OSBPL1A: variants seen among roughly 807,000 people sequenced by gnomAD.
The protein encoded by OSBPL1A is oxysterol binding protein like 1A, also known as oxysterol-binding protein-related protein 1.
A neutral mutation model predicts 137.1 loss-of-function variants in OSBPL1A; 80 were observed. The ratio of observed to expected loss-of-function variants is 0.58; its 90% confidence interval spans 0.49 to 0.70. OSBPL1A has a LOEUF of 0.70. Ranked by LOEUF, OSBPL1A falls within the 30% of genes least tolerant of loss-of-function variation. The probability of loss-of-function intolerance (pLI) is 0.00; values close to 1 mark genes in which losing one functional copy is unlikely to be tolerated. For synonymous variants in OSBPL1A, 365 were observed against 389.7 expected (o/e 0.94, Z 0.75); for missense variants, 970 against 1,129.4 (o/e 0.86, Z 2.02).
rs184343172 is a variant in OSBPL1A, at chr18:24,197,377, G to A, written c.1602-1177C>T. Among the ~76,000 whole-genome samples, 208 of 152,076 alleles carry A rather than the reference G, an allele frequency of 1.4e-3. 1 individual carries two copies. The highest frequency in any genetic ancestry group is 6.8e-3 in the Middle Eastern group (2 of 294). Reference sequence around the variant, plus strand: ...CTAAAAAATAATAAAATAATAAAAGGTTTTCCAGTTGCCTTCTGAAATACA... The same window carrying A: ...CTAAAAAATAATAAAATAATAAAAGATTTTCCAGTTGCCTTCTGAAATACA... On this transcript the variant is annotated intron_variant, in intron 17 of 27. Coordinates refer to ENST00000319481, the MANE Select transcript of OSBPL1A (RefSeq NM_080597.4).
In OSBPL1A at chr18:24,238,425, G is replaced by T. The variant is rs144916108; in HGVS notation, c.1444+795C>A. 8.7e-3 allele frequency among the ~76,000 whole-genome samples: 1,326 copies of T among 152,200 alleles called. 24 individuals are homozygous for T. Among genetic ancestry groups the T allele is most frequent in the African/African-American group, 0.029 (1,198 of 41,506 alleles). On this transcript the variant is annotated intron_variant, in intron 16 of 27. Coordinates refer to ENST00000319481, the MANE Select transcript of OSBPL1A (RefSeq NM_080597.4). ...AAAATTTGAAAGTAAATTCCAAAAA[G>T]GTCAAAACTACTTAGCAGTACCTCC...
intron 12 of OSBPL1A, 56 bp downstream of exon 12, chr18:24,314,193 C>T (rs971766986): frequency 7.6e-6 from 9 of 1,184,072 alleles, no homozygotes; most frequent in East Asian, 2.4e-5. Flanking sequence ...TTATATTCTC[C>T]GTGTCTTTAA....
intron 15 of OSBPL1A, among the ~76,000 whole-genome samples, chr18:24,268,750 T>C (rs2089644232): frequency 6.6e-6 from 1 of 152,168 alleles, no homozygotes; most frequent in Non-Finnish European, 1.5e-5. Flanking sequence ...GCATCAGTAT[T>C]CAATCTTTTG....
intron 1 of OSBPL1A, among the ~76,000 whole-genome samples, chr18:24,395,915 C>A (rs916658516): frequency 1.3e-5 from 2 of 150,106 alleles, no homozygotes; most frequent in African/African-American, 2.4e-5. Context: ...AGCCATGGCA[C>A]CCGGCCAGGA....
chr18:24,298,761 T>C (rs965943738), intron 14 of OSBPL1A, among the ~76,000 whole-genome samples: 1 of 152,202 alleles, frequency 6.6e-6, no homozygotes. Context: ...TTCCACAGTG[T>C]AGTTTAAGGC....
chr18:24,197,786 C>CTTTTTTT (rs1043369707), intron 17 of OSBPL1A, among the ~76,000 whole-genome samples: 1 of 122,782 alleles, frequency 8.1e-6, no homozygotes, highest in Non-Finnish European at 1.7e-5. Context: ...CTTTTCTTTT[C>CTTTTTTT]TTTTTTTTTT....
At chr18:24,241,642 A>G (rs1014839308) in intron 15 of OSBPL1A, among the ~76,000 whole-genome samples, 3 of 152,196 alleles carry the variant, frequency 2.0e-5, no homozygotes, top group African/African-American at 7.2e-5. Context: ...GCTAGAGAGG[A>G]TGTGGAGAAA....
rs2088966232 is a variant in OSBPL1A at position 24,248,345 on chromosome 18, A to G, written c.1282-8963T>C. Among the ~76,000 whole-genome samples, 7 of 152,314 alleles carry G rather than the reference A, an allele frequency of 4.6e-5. No homozygotes were observed. The South Asian group carries it at 1.5e-3, about 32-fold the overall frequency. On this transcript the variant is annotated intron_variant, in intron 15 of 27. Coordinates refer to ENST00000319481, the MANE Select transcript of OSBPL1A (RefSeq NM_080597.4). ...TGAAACGAGTCTCAAGGCCCTACAA[A>G]GCCTCATGAGCACTAACTTGATCAG...
chr18:24,200,561 CAAAAAAA>C (rs893025554), intron 17 of OSBPL1A, among the ~76,000 whole-genome samples: 3 of 70,456 alleles, frequency 4.3e-5, no homozygotes, highest in South Asian at 9.9e-4. Context: ...GACTCCGTGT[CAAAAAAA>C]AAAAAAAAAA....
intron 24 of OSBPL1A, among the ~76,000 whole-genome samples, chr18:24,168,556 A>C (rs1018686562): frequency 6.6e-6 from 1 of 152,200 alleles, no homozygotes; most frequent in South Asian, 2.1e-4. Context: ...AGGAGAGGTC[A>C]CGACCGCTTT....
intron 15 of OSBPL1A, among the ~76,000 whole-genome samples, chr18:24,263,240 A>G (rs935375554): frequency 6.6e-6 from 1 of 152,222 alleles, no homozygotes; most frequent in Non-Finnish European, 1.5e-5. Flanking sequence ...CACTGCAAAT[A>G]TGTTAAAGCA....
chr18:24,221,991 G>A (rs1014139838), intron 17 of OSBPL1A, among the ~76,000 whole-genome samples: 5 of 152,114 alleles, frequency 3.3e-5, no homozygotes, highest in African/African-American at 4.8e-5. Context: ...TTTCTACGGC[G>A]ACGATGTCAT....
chr18:24,176,826 C>T (rs531722369), intron 21 of OSBPL1A, among the ~76,000 whole-genome samples: 8 of 152,288 alleles, frequency 5.3e-5, no homozygotes, highest in African/African-American at 1.7e-4. Flanking sequence ...CCTTCTGGGT[C>T]ATTTCAATGC....
At chr18:24,224,058 A>G (rs1027189827) in intron 17 of OSBPL1A, among the ~76,000 whole-genome samples, 1 of 152,228 alleles carries the variant, frequency 6.6e-6, no homozygotes, top group Non-Finnish European at 1.5e-5. Flanking sequence ...GCATGTTTGG[A>G]GGACAACCTC....
chr18:24,300,209 A>G (rs1297486748), intron 14 of OSBPL1A, among the ~76,000 whole-genome samples: 1 of 152,244 alleles, frequency 6.6e-6, no homozygotes, highest in Non-Finnish European at 1.5e-5. Context: ...GGTCCACTCA[A>G]GAAAATAAAA....
At chr18:24,182,349 A>G (rs1397570984) in intron 18 of OSBPL1A, among the ~76,000 whole-genome samples, 1 of 152,242 alleles carries the variant, frequency 6.6e-6, no homozygotes, top group Non-Finnish European at 1.5e-5. Flanking sequence ...TTCATTAAGT[A>G]ACACACTTAT....
chr18:24,168,558 G>A (rs774081056), intron 24 of OSBPL1A, among the ~76,000 whole-genome samples: 26 of 152,254 alleles, frequency 1.7e-4, no homozygotes, highest in Non-Finnish European at 3.7e-4. Flanking sequence ...GAGAGGTCAC[G>A]ACCGCTTTTT....
At chr18:24,165,282 T>C (rs1395927671) in intron 26 of OSBPL1A, 127 bp from the exon 27 acceptor site, 2 of 863,770 alleles carry the variant, frequency 2.3e-6, no homozygotes, top group East Asian at 5.1e-5. Flanking sequence ...AGAACACAAA[T>C]ACCAGAATCA....
chr18:24,392,031 T>C lies in OSBPL1A; in HGVS notation c.-3+5624A>G, dbSNP rs556390136. On this transcript the variant is annotated intron_variant, in intron 1 of 27. Transcript: ENST00000319481. ...CCACCATGCCCAGCTAATTTTCGTA[T>C]TTTTTGTAGAGTCAGGGTTTCATCG... is the stretch of plus-strand genomic sequence containing the variant. Among the ~76,000 whole-genome samples, 10 of 152,024 alleles carry C rather than the reference T, an allele frequency of 6.6e-5. No homozygotes were observed. The East Asian group carries it at 1.2e-3, about 18-fold the overall frequency.
Sources: allele counts gnomAD v4.1 joint callset (sites outside exome capture counted in the v4.1 genomes callset), GRCh38; gene constraint gnomAD v4.1.1; transcripts MANE v1.5; gene names NCBI Gene and HGNC (gene_info 2026-07-23, HGNC 2026-07-21).